FRMD8: variants seen among roughly 807,000 people sequenced by gnomAD.
FRMD8 encodes the protein FERM domain-containing protein 8.
FRMD8 carries 37 observed loss-of-function variants against 54.2 expected under a neutral mutation model. That is an observed-to-expected ratio of 0.68 (90% confidence interval 0.53 to 0.90). The LOEUF is 0.90. Ranked by LOEUF, FRMD8 falls within the 40% of genes least tolerant of loss-of-function variation. FRMD8 has a pLI of 0.00. For missense variants in FRMD8, 585 were observed against 653.7 expected (o/e 0.89, Z 1.15); for synonymous variants, 246 against 286.9 (o/e 0.86, Z 1.44).
the FRMD8 span, among the ~76,000 whole-genome samples, chr11:65,374,182 G>T: frequency 6.6e-6 from 1 of 152,152 alleles, no homozygotes; most frequent in Admixed American, 6.6e-5. Flanking sequence ...ATGGCCTCCA[G>T]CCATCTGCAG....
At chr11:65,396,761 T>TA (rs1451855405) in intron 6 of FRMD8, 38 bp from the exon 7 acceptor site, 26 of 1,380,530 alleles carry the variant, frequency 1.9e-5, no homozygotes, top group Non-Finnish European at 2.3e-5. Flanking sequence ...CTGGCACCTC[T>TA]GGTTGGGCCG....
chr11:65,388,074 G>C (rs928232926), intron 2 of FRMD8, among the ~76,000 whole-genome samples: 7 of 151,796 alleles, frequency 4.6e-5, no homozygotes, highest in African/African-American at 9.7e-5. Flanking sequence ...TGAGGCAGGA[G>C]AATGACTTGA....
At chr11:65,377,270 C>T in the FRMD8 span, 100 of 1,417,074 alleles carry the variant, frequency 7.1e-5, no homozygotes, top group Non-Finnish European at 8.2e-5. Flanking sequence ...GACAGGCCAC[C>T]TCCCTTGGCA....
rs1856006111 is a variant in FRMD8, at chr11:65,398,669, G to A, written c.804-1067G>A. On this transcript the variant is annotated intron_variant, in intron 7 of 10. Coordinates refer to ENST00000317568, the MANE Select transcript of FRMD8 (RefSeq NM_031904.5). ...GCTGTAAAATGGGGTCAAGCAACGG[G>A]TCTTGTAGTGGTTTTGAGGGGGAGG... 2.6e-5 allele frequency among the ~76,000 whole-genome samples: 4 copies of A among 152,244 alleles called. No individual in the cohort carries two copies. In the South Asian group the frequency reaches 8.3e-4, roughly 31 times the overall value.
chr11:65,373,624 T>G, the FRMD8 span, among the ~76,000 whole-genome samples: 1 of 152,106 alleles, frequency 6.6e-6, no homozygotes, highest in Admixed American at 6.6e-5. Flanking sequence ...TCTTGCTCCA[T>G]CACCCACGCT....
the FRMD8 span, among the ~76,000 whole-genome samples, chr11:65,374,506 C>G: frequency 6.6e-6 from 1 of 152,198 alleles, no homozygotes; most frequent in Non-Finnish European, 1.5e-5. Flanking sequence ...GTGATTGTTT[C>G]TACAGGGAGC....
the FRMD8 span, chr11:65,376,239 G>A: frequency 3.5e-5 from 29 of 822,902 alleles, no homozygotes; most frequent in Middle Eastern, 2.5e-4. Flanking sequence ...CCTGGCTTCC[G>A]GCTCCCACAG....
the FRMD8 span, among the ~76,000 whole-genome samples, chr11:65,373,741 C>T: frequency 1.3e-5 from 2 of 152,190 alleles, no homozygotes; most frequent in African/African-American, 2.4e-5. Context: ...CACAGTGCCA[C>T]CACACCTGGC....
intron 10 of FRMD8, among the ~76,000 whole-genome samples, chr11:65,407,657 A>G (rs1239425560): frequency 6.6e-6 from 1 of 151,780 alleles, no homozygotes; most frequent in Non-Finnish European, 1.5e-5. Flanking sequence ...TTGGGAGGCC[A>G]AGGTGGGCAG....
chr11:65,397,592 A>G (rs1191155167), intron 7 of FRMD8, among the ~76,000 whole-genome samples: 1 of 152,260 alleles, frequency 6.6e-6, no homozygotes, highest in Non-Finnish European at 1.5e-5. Context: ...ATGGATGTGC[A>G]GTGGATGAAG....
chr11:65,395,285 G>C lies in FRMD8; in HGVS notation c.581+860G>C, dbSNP rs143222040. On this transcript the variant is annotated intron_variant, in intron 6 of 10. Coordinates refer to ENST00000317568, the MANE Select transcript of FRMD8 (RefSeq NM_031904.5). ...ATGCCGGGTGCGGTGGCTCACGCCT[G>C]TAATCCCAACACTTTGGGAGGCCGA... Among the ~76,000 whole-genome samples, 476 of 152,130 alleles carry C rather than the reference G, an allele frequency of 3.1e-3. 4 individuals are homozygous for C. The highest frequency in any genetic ancestry group is 0.011 in the African/African-American group (453 of 41,518).
rs1263134973 is a variant in FRMD8, at chr11:65,411,505, G to C, written c.*145G>C. The C allele has an allele frequency of 1.8e-5, 10 of 560,862 alleles. No homozygotes were observed. The highest frequency in any genetic ancestry group is 4.9e-4 in the Middle Eastern group (1 of 2,060). 34.7% of individuals were successfully genotyped at this position (560,862 alleles called of 1,614,324 possible). A position where few individuals can be genotyped will look rare whatever the true frequency, so the allele number is the denominator to read the frequency against. On this transcript the variant is annotated 3_prime_UTR_variant, in exon 11 of 11. Transcript: ENST00000317568. ...CAGGTTTCTCAGACCACGGAGAAGT[G>C]ACTTTTGGGCCCGGGGCCATGCCCG...
chr11:65,386,912 G>C, intron 1 of FRMD8, 125 bp from the exon 2 acceptor site: 1 of 825,710 alleles, frequency 1.2e-6, no homozygotes, highest in Non-Finnish European at 1.9e-6. Flanking sequence ...GGCCCCTCCA[G>C]GCAGCGCCGC....
chr11:65,396,320 T>G (rs1460501631), intron 6 of FRMD8, among the ~76,000 whole-genome samples: 4 of 152,146 alleles, frequency 2.6e-5, no homozygotes, highest in Non-Finnish European at 5.9e-5. Context: ...TGGATGGAGA[T>G]GCAGGCATCT....
At chr11:65,390,559 C>G (rs1855823613) in intron 3 of FRMD8, among the ~76,000 whole-genome samples, 1 of 151,886 alleles carries the variant, frequency 6.6e-6, no homozygotes, top group African/African-American at 2.4e-5. Flanking sequence ...TTCTCTCCAC[C>G]CCCTCCCCCC....
intron 10 of FRMD8, among the ~76,000 whole-genome samples, chr11:65,405,584 T>C (rs1856178387): frequency 6.6e-6 from 1 of 152,120 alleles, no homozygotes; most frequent in Admixed American, 6.5e-5. Context: ...GATTGCATCA[T>C]TGCATTCCAG....
chr11:65,373,459 A>C, the FRMD8 span, among the ~76,000 whole-genome samples: 1 of 152,206 alleles, frequency 6.6e-6, no homozygotes, highest in Non-Finnish European at 1.5e-5. Flanking sequence ...CGATTCTTAA[A>C]CTTTAGCATG....
At chr11:65,379,112 C>T in the FRMD8 span, 12 of 478,922 alleles carry the variant, frequency 2.5e-5, no homozygotes, top group Non-Finnish European at 4.1e-5. Context: ...GGGCAAGCCC[C>T]GTCAGCTGGA....
At chr11:65,373,676 T>C in the FRMD8 span, among the ~76,000 whole-genome samples, 2 of 152,044 alleles carry the variant, frequency 1.3e-5, no homozygotes, top group Non-Finnish European at 2.9e-5. Context: ...AGCCTCAACC[T>C]CCCAGGTTCA....
Sources: allele counts gnomAD v4.1 joint callset (sites outside exome capture counted in the v4.1 genomes callset), GRCh38; gene constraint gnomAD v4.1.1; transcripts MANE v1.5; gene names NCBI Gene and HGNC (gene_info 2026-07-23, HGNC 2026-07-21).